PRKG1: variants seen among roughly 807,000 people sequenced by gnomAD.
The protein encoded by PRKG1 is cGMP-dependent protein kinase 1.
PRKG1 carries 35 observed loss-of-function variants against 88.1 expected under a neutral mutation model. The ratio of observed to expected loss-of-function variants is 0.40; its 90% CI spans 0.30 to 0.53. The LOEUF (loss-of-function observed/expected upper bound fraction) is 0.53, where lower values mean the gene tolerates loss of function less well. PRKG1 is among the 20% of genes least tolerant of loss of function. The probability of loss-of-function intolerance (pLI) is 0.59; values close to 1 mark genes in which losing one functional copy is unlikely to be tolerated. For synonymous variants in PRKG1, 303 were observed against 292.5 expected (o/e 1.04, Z -0.37); for missense variants, 540 against 839.8 (o/e 0.64, Z 4.41).
chr10:51,652,892 C>G (rs1840074679), intron 3 of PRKG1, among the ~76,000 whole-genome samples: 1 of 152,178 alleles, frequency 6.6e-6, no homozygotes, highest in Non-Finnish European at 1.5e-5. Flanking sequence ...CTACTCCTCT[C>G]CAGCCTCTAT....
At chr10:51,013,453 C>T (rs943022109) in intron 1 of PRKG1, among the ~76,000 whole-genome samples, 7 of 152,124 alleles carry the variant, frequency 4.6e-5, no homozygotes, top group East Asian at 1.9e-4. Context: ...TGCAGTGGTG[C>T]GATCTCGGCT....
chr10:51,309,301 G>C (rs184242616), intron 2 of PRKG1, among the ~76,000 whole-genome samples: 2 of 152,238 alleles, frequency 1.3e-5, no homozygotes, highest in Admixed American at 1.3e-4. Context: ...TGAACAGAGA[G>C]CCTACAGAAT....
intron 10 of PRKG1, among the ~76,000 whole-genome samples, chr10:52,255,967 C>T (rs914547711): frequency 6.7e-6 from 1 of 150,344 alleles, no homozygotes; most frequent in Non-Finnish European, 1.5e-5. Context: ...GTGAGGAGAA[C>T]ATGAGACATG....
chr10:51,555,252 A>T (rs1478319482), intron 3 of PRKG1, among the ~76,000 whole-genome samples: 6 of 151,928 alleles, frequency 3.9e-5, no homozygotes, highest in Admixed American at 3.9e-4. Flanking sequence ...AAAACTCACT[A>T]ATCAGATTGA....
chr10:52,212,747 G>A (rs1166533740), intron 9 of PRKG1, among the ~76,000 whole-genome samples: 17 of 152,042 alleles, frequency 1.1e-4, no homozygotes, highest in South Asian at 1.0e-3. Context: ...CTCAATCCAC[G>A]TTTTGGCTTC....
chr10:51,048,749 T>A (rs185049324), intron 1 of PRKG1, among the ~76,000 whole-genome samples: 1 of 152,298 alleles, frequency 6.6e-6, no homozygotes, highest in East Asian at 1.9e-4. Flanking sequence ...ACTAGACAAG[T>A]GGCCAACAGT....
chr10:52,056,833 A>C (rs1846122442), intron 6 of PRKG1, among the ~76,000 whole-genome samples: 1 of 152,106 alleles, frequency 6.6e-6, no homozygotes, highest in Non-Finnish European at 1.5e-5. Context: ...AAAATCATTA[A>C]GAATATGTCA....
At chr10:51,758,514 C>T (rs907056308) in intron 3 of PRKG1, among the ~76,000 whole-genome samples, 14 of 152,048 alleles carry the variant, frequency 9.2e-5, no homozygotes, top group Non-Finnish European at 1.5e-4. Context: ...GAAGGGGAGA[C>T]GACAACAGGA....
chr10:51,818,072 G>A (rs1193128713), intron 4 of PRKG1, among the ~76,000 whole-genome samples: 1 of 152,128 alleles, frequency 6.6e-6, no homozygotes, highest in Non-Finnish European at 1.5e-5. Flanking sequence ...GAATGTAGTA[G>A]CAAGGATTGG....
intron 4 of PRKG1, among the ~76,000 whole-genome samples, chr10:51,875,299 T>A (rs1841266648): frequency 7.4e-6 from 1 of 134,938 alleles, no homozygotes; most frequent in Admixed American, 7.3e-5. Flanking sequence ...AGAAATGCTT[T>A]AAGCTTTAAT....
At chr10:51,552,219 C>G (rs1361950594) in intron 3 of PRKG1, among the ~76,000 whole-genome samples, 1 of 151,680 alleles carries the variant, frequency 6.6e-6, no homozygotes. Flanking sequence ...TAGCCTCCCT[C>G]TAGCACCACA....
At chr10:51,338,307 C>T (rs1040427148) in intron 2 of PRKG1, among the ~76,000 whole-genome samples, 1 of 152,060 alleles carries the variant, frequency 6.6e-6, no homozygotes, top group African/African-American at 2.4e-5. Context: ...AATATGTTTG[C>T]CTTAATACCT....
At chr10:51,069,957 T>A (rs4935218), upstream of PRKG1, among the ~76,000 whole-genome samples, 135,717 of 152,102 alleles carry the variant, frequency 0.89, 60,763 homozygotes, top group African/African-American at 0.97. Flanking sequence ...AAGACAGGAC[T>A]GTTTTGTGAA....
At chr10:51,390,333 C>T (rs1342795192) in intron 2 of PRKG1, among the ~76,000 whole-genome samples, 1 of 152,154 alleles carries the variant, frequency 6.6e-6, no homozygotes, top group African/African-American at 2.4e-5. Context: ...AAACTGCAGG[C>T]TGCTAAATAC....
chr10:51,434,211 C>T (rs1432183727), intron 2 of PRKG1, among the ~76,000 whole-genome samples: 1 of 152,082 alleles, frequency 6.6e-6, no homozygotes, highest in Non-Finnish European at 1.5e-5. Context: ...AGGCAGTGCG[C>T]CTTCAAATCC....
At chr10:51,715,801 C>T (rs973389470) in intron 3 of PRKG1, among the ~76,000 whole-genome samples, 13 of 152,140 alleles carry the variant, frequency 8.5e-5, no homozygotes, top group Middle Eastern at 3.2e-3. Flanking sequence ...GAAAACTTTT[C>T]TTAGAAAACT....
intron 2 of PRKG1, among the ~76,000 whole-genome samples, chr10:51,219,079 C>A (rs890083064): frequency 2.0e-5 from 3 of 152,076 alleles, no homozygotes; most frequent in African/African-American, 7.2e-5. Context: ...GAAATACTTT[C>A]AAATTATTTT....
At chr10:51,317,709 T>C (rs1841358270) in intron 2 of PRKG1, among the ~76,000 whole-genome samples, 3 of 152,202 alleles carry the variant, frequency 2.0e-5, no homozygotes, top group African/African-American at 7.2e-5. Flanking sequence ...GGGTTTATTC[T>C]GAACATTGCA....
At chr10:51,880,933 C>T (rs1389782557) in intron 4 of PRKG1, among the ~76,000 whole-genome samples, 2 of 151,630 alleles carry the variant, frequency 1.3e-5, no homozygotes, top group South Asian at 2.1e-4. Context: ...AAACAAATAA[C>T]TACCCAAGTA....
Sources: allele counts gnomAD v4.1 joint callset (sites outside exome capture counted in the v4.1 genomes callset), GRCh38; gene constraint gnomAD v4.1.1; transcripts MANE v1.5; gene names NCBI Gene and HGNC (gene_info 2026-07-23, HGNC 2026-07-21).